NLGN1: variants seen among roughly 807,000 people sequenced by gnomAD.
NLGN1 encodes the protein neuroligin 1.
A neutral mutation model predicts 65.5 loss-of-function variants in NLGN1; 12 were observed. The observed-to-expected ratio is 0.18, with a 90% CI of 0.12 to 0.30. NLGN1 has a LOEUF of 0.30. Among genes scored for constraint, NLGN1 ranks in the 10% least tolerant of loss-of-function variants. The probability of loss-of-function intolerance (pLI) is 1.00; values close to 1 mark genes in which losing one functional copy is unlikely to be tolerated. For missense variants in NLGN1, 750 were observed against 1,007.1 expected, an observed-to-expected ratio of 0.74 and a Z score of 3.46; for synonymous variants, 350 against 359.5, an observed-to-expected ratio of 0.97 and a Z score of 0.30.
intron 4 of NLGN1, among the ~76,000 whole-genome samples, chr3:174,035,999 A>G (rs770194053): frequency 5.8e-4 from 89 of 152,146 alleles, no homozygotes; most frequent in Non-Finnish European, 1.1e-3. Context: ...GTGGGAAATG[A>G]CATGAGTTAT....
At chr3:173,905,436 G>C (rs576081130) in intron 4 of NLGN1, among the ~76,000 whole-genome samples, 3 of 152,336 alleles carry the variant, frequency 2.0e-5, no homozygotes, top group African/African-American at 7.2e-5. Flanking sequence ...CACTGAGAAA[G>C]AGCTCTGGTC....
chr3:173,668,125 A>G (rs925277896), intron 3 of NLGN1, among the ~76,000 whole-genome samples: 8 of 152,190 alleles, frequency 5.3e-5, no homozygotes, highest in African/African-American at 1.9e-4. Flanking sequence ...TAATATGATC[A>G]TTTAAATACT....
rs111540383 is a variant in NLGN1 at position 173,625,670 on chromosome 3, G to A, written c.493+20579G>A. ...ATAATAAATTGATATATTATTTACT[G>A]ATGAAACATTAAGAGATATTAACTG... On this transcript the variant is annotated intron_variant, in intron 3 of 6. Transcript: ENST00000457714. 6.3e-3 allele frequency among the ~76,000 whole-genome samples: 965 copies of A among 152,170 alleles called. 3 individuals carry two copies. The highest frequency in any genetic ancestry group is 0.011 in the Admixed American group (165 of 15,266).
intron 2 of NLGN1, among the ~76,000 whole-genome samples, chr3:173,561,225 A>ATTTGATC (rs965682067): frequency 1.3e-5 from 2 of 152,244 alleles, no homozygotes; most frequent in African/African-American, 4.8e-5. Flanking sequence ...AAAGGCTGAC[A>ATTTGATC]TTTGATCTGT....
chr3:173,411,810 A>G (rs1712624142), intron 1 of NLGN1, among the ~76,000 whole-genome samples: 2 of 152,050 alleles, frequency 1.3e-5, no homozygotes, highest in Non-Finnish European at 2.9e-5. Context: ...TCTGGGTTAC[A>G]TCTGTGGTTG....
chr3:173,791,520 G>GTTTTTTTT, intron 3 of NLGN1, among the ~76,000 whole-genome samples: 1 of 133,648 alleles, frequency 7.5e-6, no homozygotes, highest in East Asian at 2.3e-4. Flanking sequence ...AGTTTCTTCT[G>GTTTTTTTT]TTTTTTTTTT....
chr3:174,188,116 G>A (rs557493594), intron 4 of NLGN1, among the ~76,000 whole-genome samples: 4 of 151,916 alleles, frequency 2.6e-5, no homozygotes, highest in South Asian at 4.2e-4. Flanking sequence ...AGAGTGTAGC[G>A]CTTCAAAGGC....
chr3:173,879,235 C>CAA (rs142935633), intron 4 of NLGN1, among the ~76,000 whole-genome samples: 1 of 128,554 alleles, frequency 7.8e-6, no homozygotes. Context: ...TTGTCTCAGA[C>CAA]AAAAAAAAAA....
intron 4 of NLGN1, among the ~76,000 whole-genome samples, chr3:173,945,708 C>G (rs1038656862): frequency 6.6e-6 from 1 of 151,930 alleles, no homozygotes; most frequent in Non-Finnish European, 1.5e-5. Context: ...ACTTTTTTCC[C>G]CACTCGCATT....
chr3:173,422,295 TACTC>T (rs1715242956), intron 1 of NLGN1, among the ~76,000 whole-genome samples: 5 of 152,152 alleles, frequency 3.3e-5, no homozygotes, highest in Admixed American at 2.6e-4. Flanking sequence ...CACATGTACT[TACTC>T]ATACGTGAGA....
intron 2 of NLGN1, among the ~76,000 whole-genome samples, chr3:173,600,056 A>G (rs1279000823): frequency 1.3e-5 from 2 of 152,078 alleles, no homozygotes; most frequent in Non-Finnish European, 2.9e-5. Flanking sequence ...TCAGGCACTT[A>G]ATGCTTTAGA....
chr3:173,725,628 A>G (rs1210895530), intron 3 of NLGN1, among the ~76,000 whole-genome samples: 1 of 152,228 alleles, frequency 6.6e-6, no homozygotes, highest in Non-Finnish European at 1.5e-5. Context: ...CTGTATAGCT[A>G]ATCACTACAA....
chr3:173,853,261 C>T (rs115304372), intron 4 of NLGN1, among the ~76,000 whole-genome samples: 142 of 152,240 alleles, frequency 9.3e-4, no homozygotes, highest in African/African-American at 2.7e-3. Flanking sequence ...ATATGGAAAA[C>T]ATACTTTTAT....
intron 2 of NLGN1, among the ~76,000 whole-genome samples, chr3:173,528,954 A>G (rs753979297): frequency 6.6e-6 from 1 of 152,100 alleles, no homozygotes; most frequent in Non-Finnish European, 1.5e-5. Flanking sequence ...CATTTTGGTT[A>G]GGGTCCATTG....
At chr3:173,747,304 G>GTTT (rs1775602243) in intron 3 of NLGN1, among the ~76,000 whole-genome samples, 4 of 128,484 alleles carry the variant, frequency 3.1e-5, no homozygotes, top group Non-Finnish European at 4.8e-5. Flanking sequence ...TCTTATGTAT[G>GTTT]TATATATTTA....
chr3:173,582,203 A>AT lies in NLGN1; in HGVS notation c.-320-22071dup, dbSNP rs1038142951. Among the ~76,000 whole-genome samples, 55 of 151,860 alleles carry AT rather than the reference A, an allele frequency of 3.6e-4. 1 individual carries two copies. Among genetic ancestry groups the AT allele is most frequent in the African/African-American group, 1.3e-3 (55 of 41,356 alleles). On this transcript the variant is annotated intron_variant, in intron 2 of 6. Transcript: ENST00000457714. ...AACTCAAGGAGCTGAGGTAACATTCATTTTTCTTGTTACCGTTTCTACTAT... is the reference window on the plus strand; with the variant it reads ...AACTCAAGGAGCTGAGGTAACATTCATTTTTTCTTGTTACCGTTTCTACTAT...
downstream of NLGN1, among the ~76,000 whole-genome samples, chr3:174,288,639 A>C (rs907592643): frequency 2.0e-5 from 3 of 151,478 alleles, no homozygotes; most frequent in African/African-American, 7.3e-5. Context: ...CAGTCTTTTC[A>C]CAATTCTAAT....
intron 4 of NLGN1, among the ~76,000 whole-genome samples, chr3:173,988,409 A>G (rs1188505126): frequency 6.6e-6 from 1 of 152,126 alleles, no homozygotes; most frequent in East Asian, 1.9e-4. Flanking sequence ...TCTTTCTTCT[A>G]CTATGTTTAT....
At chr3:173,550,822 A>ATTT (rs1260936722) in intron 2 of NLGN1, among the ~76,000 whole-genome samples, 1 of 152,138 alleles carries the variant, frequency 6.6e-6, no homozygotes, top group Non-Finnish European at 1.5e-5. Flanking sequence ...CATTATAGAC[A>ATTT]TTGAATGGCT....
Sources: allele counts gnomAD v4.1 joint callset (sites outside exome capture counted in the v4.1 genomes callset), GRCh38; gene constraint gnomAD v4.1.1; transcripts MANE v1.5; gene names NCBI Gene and HGNC (gene_info 2026-07-23, HGNC 2026-07-21).